Variants in FAF1 observed in about 807,000 individuals in gnomAD.
FAF1 encodes Fas associated factor 1.
Under a neutral mutation model 92.5 loss-of-function variants are expected in FAF1, and 25 were observed. That is an observed-to-expected ratio of 0.27 (90% CI 0.20 to 0.38). The LOEUF (loss-of-function observed/expected upper bound fraction) is 0.38. FAF1 is among the 10% of genes least tolerant of loss of function. The probability of loss-of-function intolerance (pLI) is 1.00; values close to 1 mark genes in which losing one functional copy is unlikely to be tolerated. For missense variants in FAF1, 636 were observed against 793.3 expected (o/e 0.80, Z 2.38); for synonymous variants, 234 against 273.2 (o/e 0.86, Z 1.42).
intron 15 of FAF1, among the ~76,000 whole-genome samples, chr1:50,512,971 G>C (rs539356852): frequency 3.9e-5 from 6 of 152,298 alleles, no homozygotes; most frequent in South Asian, 2.1e-4. Context: ...CACACTCTAA[G>C]TGCAGAAAGT....
chr1:50,685,092 C>T (rs760663790), intron 7 of FAF1, among the ~76,000 whole-genome samples: 2 of 152,062 alleles, frequency 1.3e-5, no homozygotes, highest in Non-Finnish European at 2.9e-5. Context: ...GAAACACATA[C>T]GGATCTTTGA....
intron 1 of FAF1, among the ~76,000 whole-genome samples, chr1:50,926,409 G>A (rs536403317): frequency 1.3e-5 from 2 of 152,272 alleles, no homozygotes; most frequent in South Asian, 4.1e-4. Flanking sequence ...TACAACTGTA[G>A]ATATTGGAGA....
intron 1 of FAF1, among the ~76,000 whole-genome samples, chr1:50,898,901 T>G (rs1644775859): frequency 6.6e-6 from 1 of 152,252 alleles, no homozygotes; most frequent in African/African-American, 2.4e-5. Flanking sequence ...TTTCCTCTAA[T>G]TTGGAAAATG....
chr1:50,543,333 C>T (rs372198908), intron 13 of FAF1, among the ~76,000 whole-genome samples: 14 of 152,214 alleles, frequency 9.2e-5, no homozygotes, highest in African/African-American at 3.4e-4. Flanking sequence ...CACTGCCTAC[C>T]TACCGTATAC....
chr1:50,701,329 T>C (rs1200415311), intron 7 of FAF1, among the ~76,000 whole-genome samples: 3 of 151,978 alleles, frequency 2.0e-5, no homozygotes, highest in Non-Finnish European at 4.4e-5. Context: ...ACATTCTCAG[T>C]TACCCTACTC....
chr1:50,738,361 T>C (rs960634806), intron 6 of FAF1, among the ~76,000 whole-genome samples: 2 of 148,964 alleles, frequency 1.3e-5, no homozygotes, highest in Admixed American at 6.8e-5. Flanking sequence ...GGGAATCACT[T>C]GAATCCGGGA....
intron 2 of FAF1, among the ~76,000 whole-genome samples, chr1:50,830,221 G>A (rs140921630): frequency 0.055 from 8,313 of 152,174 alleles, 304 homozygotes; most frequent in African/African-American, 0.099. Flanking sequence ...GGATTCAAGC[G>A]ATTCTGCTGC....
chr1:50,727,384 G>A (rs577621135), intron 6 of FAF1, among the ~76,000 whole-genome samples: 36 of 152,282 alleles, frequency 2.4e-4, no homozygotes, highest in African/African-American at 7.9e-4. Context: ...ATTGTAGGAT[G>A]ATACTCAATA....
rs546805118 is a variant in FAF1, at chr1:50,720,502, T to C, written c.552-14611A>G. On this transcript the variant is annotated intron_variant, in intron 6 of 18. Transcript: ENST00000396153. The stretch of plus-strand genomic sequence containing the variant: ...ACAATACTGATAACTTAAAATACTT[T>C]TACGGATAAATATTGACGGAGTTCA... Among the ~76,000 whole-genome samples the C allele has an allele frequency of 3.2e-4, 49 of 152,330 alleles. 1 individual carries two copies. The highest frequency in any genetic ancestry group is 2.5e-3 in the South Asian group (12 of 4,828).
chr1:50,451,584 T>G (rs1262118831), intron 18 of FAF1, among the ~76,000 whole-genome samples: 1 of 152,234 alleles, frequency 6.6e-6, no homozygotes, highest in South Asian at 2.1e-4. Context: ...CTATTTATTC[T>G]AAGTCCCTTG....
intron 18 of FAF1, among the ~76,000 whole-genome samples, chr1:50,453,252 C>T (rs1572751346): frequency 1.3e-5 from 2 of 152,310 alleles, no homozygotes; most frequent in East Asian, 1.9e-4. Context: ...TGGTGGGCTA[C>T]ATGTGCTCCT....
intron 4 of FAF1, among the ~76,000 whole-genome samples, chr1:50,781,870 CAG>C (rs1388496535): frequency 6.6e-6 from 1 of 152,154 alleles, no homozygotes; most frequent in African/African-American, 2.4e-5. Flanking sequence ...GTCACAGATA[CAG>C]TCATGCTCCT....
At chr1:50,835,305 C>T (rs1644190198) in intron 2 of FAF1, among the ~76,000 whole-genome samples, 1 of 152,090 alleles carries the variant, frequency 6.6e-6, no homozygotes, top group Non-Finnish European at 1.5e-5. Context: ...CAAACTGAGA[C>T]TTAAGCAATG....
intron 7 of FAF1, among the ~76,000 whole-genome samples, chr1:50,681,628 C>T (rs994430758): frequency 1.3e-5 from 2 of 151,904 alleles, no homozygotes; most frequent in Non-Finnish European, 2.9e-5. Context: ...CTGCCTCAAC[C>T]TCCCGAGTAG....
intron 15 of FAF1, among the ~76,000 whole-genome samples, chr1:50,496,730 T>A (rs994290265): frequency 2.0e-5 from 3 of 151,756 alleles, no homozygotes; most frequent in Admixed American, 2.0e-4. Context: ...GTCTACTAAA[T>A]ACAAAAAAAT....
intron 8 of FAF1, among the ~76,000 whole-genome samples, chr1:50,613,864 C>T (rs1215445974): frequency 6.6e-6 from 1 of 151,880 alleles, no homozygotes; most frequent in African/African-American, 2.4e-5. Flanking sequence ...TTTGGGAGGC[C>T]GAGGCGGGCA....
At chr1:50,921,257 C>T (rs1199485482) in intron 1 of FAF1, among the ~76,000 whole-genome samples, 1 of 152,204 alleles carries the variant, frequency 6.6e-6, no homozygotes, top group Non-Finnish European at 1.5e-5. Context: ...CCAACACCCC[C>T]AGATGCCATC....
chr1:50,937,129 TTA>T (rs1422625918), intron 1 of FAF1, among the ~76,000 whole-genome samples: 1 of 152,030 alleles, frequency 6.6e-6, no homozygotes. Context: ...GGTGGGATCT[TTA>T]TGTTACCACC....
chr1:50,466,506 T>C (rs1403338306), intron 18 of FAF1, among the ~76,000 whole-genome samples: 1 of 152,216 alleles, frequency 6.6e-6, no homozygotes, highest in African/African-American at 2.4e-5. Context: ...GTTGTAACTG[T>C]GTATATCACA....
Sources: gnomAD v4.1 joint callset for allele counts (sites outside exome capture counted in the v4.1 genomes callset) on GRCh38, gnomAD v4.1.1 for gene constraint, MANE v1.5 for transcripts, NCBI Gene and HGNC (gene_info 2026-07-23, HGNC 2026-07-21) for gene names.